ABLIM2: variants seen among roughly 807,000 people sequenced by gnomAD.
ABLIM2 encodes actin-binding LIM protein 2.
ABLIM2 carries 53 observed loss-of-function variants against 97.7 expected under a neutral mutation model. The ratio of observed to expected loss-of-function variants is 0.54; its 90% confidence interval spans 0.44 to 0.68. ABLIM2 has a LOEUF of 0.68. ABLIM2 is among the 30% of genes least tolerant of loss of function. The pLI is 0.00. For synonymous variants in ABLIM2, 361 were observed against 345.8 expected (o/e 1.04, Z -0.49); for missense variants, 835 against 867.2 (o/e 0.96, Z 0.47).
chr4:8,024,497 G>A (rs901343222), intron 12 of ABLIM2, among the ~76,000 whole-genome samples: 2 of 152,164 alleles, frequency 1.3e-5, no homozygotes, highest in Non-Finnish European at 2.9e-5. Context: ...GGCCAGAGAC[G>A]CCAGAGGAGC....
chr4:7,987,166 T>G (rs973906739), intron 17 of ABLIM2, among the ~76,000 whole-genome samples: 3 of 151,992 alleles, frequency 2.0e-5, no homozygotes, highest in East Asian at 1.9e-4. Context: ...TTGGTAGAGA[T>G]GGAGTCTCCC....
chr4:8,119,751 A>C (rs758544137), intron 1 of ABLIM2, among the ~76,000 whole-genome samples: 1 of 152,274 alleles, frequency 6.6e-6, no homozygotes, highest in Admixed American at 6.5e-5. Context: ...ACAATCAAAC[A>C]AACAATTTCC....
At chr4:8,154,171 C>T (rs765597839) in intron 1 of ABLIM2, among the ~76,000 whole-genome samples, 12 of 151,504 alleles carry the variant, frequency 7.9e-5, no homozygotes, top group Admixed American at 4.6e-4. Context: ...ACTGTGTTAG[C>T]CAGGATGGTC....
At position 7,998,666 on chromosome 4, in the gene ABLIM2, CCACCA is replaced by C. The variant is rs1345390197; in HGVS notation, c.1619-5744_1619-5740del. Reference sequence around the variant, plus strand: ...AAAACACCTGCCTCGTCACCTTTTGCCACCACATGGGAGGCTGGGAGTCTGCAGGT... The same window carrying C: ...AAAACACCTGCCTCGTCACCTTTTGCCATGGGAGGCTGGGAGTCTGCAGGT... On this transcript the variant is annotated intron_variant, in intron 16 of 20. Transcript: ENST00000447017. This position sits in a 1 kb window ranked among gnomAD's most constrained non-coding sequence, Gnocchi z 6.4. 2.0e-6 allele frequency: 1 copy of C among 511,396 alleles called. No individual in the cohort carries two copies. The allele number at this position is 511,396 out of a possible 1,614,324, so 31.7% of individuals were successfully genotyped here. A position where few individuals can be genotyped will look rare whatever the true frequency, so the allele number is the denominator to read the frequency against.
intron 4 of ABLIM2, among the ~76,000 whole-genome samples, chr4:8,084,826 A>G (rs1577408175): frequency 6.6e-6 from 1 of 152,194 alleles, no homozygotes; most frequent in Non-Finnish European, 1.5e-5. Context: ...GAGAGGGGAC[A>G]CCTCTTGCCC....
At chr4:8,010,707 C>T (rs934039313) in intron 14 of ABLIM2, 2 of 586,536 alleles carry the variant, frequency 3.4e-6, no homozygotes, top group Admixed American at 6.4e-5. Flanking sequence ...CTCACAGAGG[C>T]AAATCAACGC....
Position 8,023,577 on chromosome 4 carries a change from G to C in ABLIM2, c.1268-3274C>G, listed in dbSNP as rs1176890870. On this transcript the variant is annotated intron_variant, in intron 12 of 20. Coordinates refer to ENST00000447017, the MANE Select transcript of ABLIM2 (RefSeq NM_001130083.2). This position sits in a 1 kb window ranked among gnomAD's most constrained non-coding sequence, Gnocchi z 5.7. Reference sequence around the variant, plus strand: ...TCATGCTCGTCAGCCATGGTGGCCTGCTCCACGGTGGACTTGCTCCTTCTC... The same window carrying C: ...TCATGCTCGTCAGCCATGGTGGCCTCCTCCACGGTGGACTTGCTCCTTCTC... Among the ~76,000 whole-genome samples the C allele has an allele frequency of 2.6e-5, 4 of 152,136 alleles. No individual in the cohort carries two copies. Among genetic ancestry groups the C allele is most frequent in the Admixed American group, 6.5e-5 (1 of 15,274 alleles).
intron 1 of ABLIM2, among the ~76,000 whole-genome samples, chr4:8,110,838 C>T (rs556497626): frequency 2.0e-5 from 3 of 152,334 alleles, no homozygotes; most frequent in African/African-American, 7.2e-5. Context: ...CCGCTGCCTC[C>T]ATGCAGGTGC....
At chr4:7,971,941 C>T (rs1728401755) in intron 20 of ABLIM2, among the ~76,000 whole-genome samples, 2 of 152,162 alleles carry the variant, frequency 1.3e-5, no homozygotes, top group African/African-American at 4.8e-5. Context: ...GGCCACTTTT[C>T]TCCCAAGGCC....
At chr4:8,092,522 C>G (rs980475847) in intron 3 of ABLIM2, among the ~76,000 whole-genome samples, 1 of 152,152 alleles carries the variant, frequency 6.6e-6, no homozygotes, top group African/African-American at 2.4e-5. Context: ...TTAGTCTTAA[C>G]TGTTTCCTGG....
At chr4:7,985,910 G>C (rs1321371971) in intron 17 of ABLIM2, among the ~76,000 whole-genome samples, 2 of 152,222 alleles carry the variant, frequency 1.3e-5, no homozygotes. Flanking sequence ...TGTAAAGCAT[G>C]CATTGAACCC....
intron 1 of ABLIM2, among the ~76,000 whole-genome samples, chr4:8,114,662 T>A (rs1517522): frequency 0.73 from 111,294 of 152,154 alleles, 41,393 homozygotes; most frequent in South Asian, 0.94. Context: ...CGGCCATCAC[T>A]GCCTGGGCTT....
intron 1 of ABLIM2, among the ~76,000 whole-genome samples, chr4:8,110,540 A>G (rs1839801208): frequency 6.6e-6 from 1 of 152,018 alleles, no homozygotes; most frequent in Admixed American, 6.5e-5. Context: ...ATGTTCCCAT[A>G]GCAACCAACC....
intron 14 of ABLIM2, among the ~76,000 whole-genome samples, chr4:8,010,251 A>G (rs1764057268): frequency 6.6e-6 from 1 of 152,206 alleles, no homozygotes; most frequent in African/African-American, 2.4e-5. Context: ...AATAAATCAC[A>G]CAAGGCCATG....
chr4:8,050,688 C>G (rs761234392), intron 8 of ABLIM2, among the ~76,000 whole-genome samples: 1 of 152,182 alleles, frequency 6.6e-6, no homozygotes, highest in Non-Finnish European at 1.5e-5. Context: ...CGGAACAAAA[C>G]AGAGCAGGAG....
chr4:8,127,665 C>A lies in ABLIM2; in HGVS notation c.11-21028G>T, dbSNP rs147087665. ...CACGGAGGATCGGGCAGGAGTGGACCGGGGAAGAGCCTCTGTGGCCCACAG... is the reference window on the plus strand; with the variant it reads ...CACGGAGGATCGGGCAGGAGTGGACAGGGGAAGAGCCTCTGTGGCCCACAG... On this transcript the variant is annotated intron_variant, in intron 1 of 20. Coordinates refer to ENST00000447017, the MANE Select transcript of ABLIM2 (RefSeq NM_001130083.2). The surrounding 1 kb of genome is among the most constrained non-coding windows in gnomAD (Gnocchi z 7.3). 1.8e-5 allele frequency: 23 copies of A among 1,275,630 alleles called. No homozygotes were observed. Among genetic ancestry groups the A allele is most frequent in the African/African-American group, 1.5e-5 (1 of 65,586 alleles). 79.0% of individuals were successfully genotyped at this position (1,275,630 alleles called of 1,614,324 possible). A position where few individuals can be genotyped will look rare whatever the true frequency, so the allele number is the denominator to read the frequency against.
Position 8,072,856 on chromosome 4 carries a change from C to G in ABLIM2, c.675+4772G>C, listed in dbSNP as rs928188314. ...AGCACCTGAGTGGGGAACGCAGGCC[C>G]TGCAAGGCCCCTGGGGAAGTAGGGA... On this transcript the variant is annotated intron_variant, in intron 6 of 20. Coordinates refer to ENST00000447017, the MANE Select transcript of ABLIM2 (RefSeq NM_001130083.2). The surrounding 1 kb of genome is among the most constrained non-coding windows in gnomAD (Gnocchi z 5.8). Among the ~76,000 whole-genome samples the G allele has an allele frequency of 6.6e-6, 1 of 152,156 alleles. No individual in the cohort carries two copies. Among genetic ancestry groups the G allele is most frequent in the Non-Finnish European group, 1.5e-5 (1 of 68,030 alleles).
At chr4:8,078,182 G>T (rs1185295333) in intron 5 of ABLIM2, among the ~76,000 whole-genome samples, 1 of 152,212 alleles carries the variant, frequency 6.6e-6, no homozygotes, top group Non-Finnish European at 1.5e-5. Context: ...GGTAGGTTAG[G>T]ACAAGACTTT....
intron 1 of ABLIM2, among the ~76,000 whole-genome samples, chr4:8,131,674 T>G (rs1260005717): frequency 1.3e-5 from 1 of 79,428 alleles, no homozygotes; most frequent in African/African-American, 4.6e-5. Context: ...CCCGCATCCC[T>G]GAGCACAGCA....
Sources: gnomAD v4.1 joint callset for allele counts (sites outside exome capture counted in the v4.1 genomes callset) on GRCh38, gnomAD v4.1.1 for gene constraint, Gnocchi (gnomAD v3.1) non-coding constraint, MANE v1.5 for transcripts, NCBI Gene and HGNC (gene_info 2026-07-23, HGNC 2026-07-21) for gene names.